EIF2B3: variants seen among roughly 807,000 people sequenced by gnomAD.
EIF2B3 encodes eukaryotic translation initiation factor 2B subunit gamma, also known as translation initiation factor eIF2B subunit gamma.
A neutral mutation model predicts 54.1 loss-of-function variants in EIF2B3; 20 were observed. That is an observed-to-expected ratio of 0.37 (90% CI 0.26 to 0.54). EIF2B3 has a LOEUF of 0.54. EIF2B3 is among the 20% of genes least tolerant of loss of function. The pLI is 0.86. For synonymous variants in EIF2B3, 153 were observed against 188.1 expected, an observed-to-expected ratio of 0.81 and a Z score of 1.52; for missense variants, 448 against 547.8, an observed-to-expected ratio of 0.82 and a Z score of 1.82.
At chr1:44,972,783 C>T (rs1644415828) in intron 3 of EIF2B3, among the ~76,000 whole-genome samples, 1 of 152,144 alleles carries the variant, frequency 6.6e-6, no homozygotes, top group South Asian at 2.1e-4. Context: ...TCCTCAACCT[C>T]AGCCTCCTGA....
chr1:44,975,511 G>C lies in EIF2B3; in HGVS notation c.294+2804C>G, dbSNP rs148180416. 2.6e-5 allele frequency among the ~76,000 whole-genome samples: 4 copies of C among 152,246 alleles called. No individual in the cohort carries two copies. In the East Asian group the frequency reaches 7.7e-4, roughly 29 times the overall value. ...TACCATAGGTAACTGTAACACAATG[G>C]TAAGTATTTGTGTATTTAAACATAT... is the stretch of plus-strand genomic sequence containing the variant. On this transcript the variant is annotated intron_variant, in intron 3 of 11. Coordinates refer to ENST00000360403, the MANE Select transcript of EIF2B3 (RefSeq NM_020365.5).
At chr1:44,930,898 G>C (rs1643891205) in intron 4 of EIF2B3, among the ~76,000 whole-genome samples, 1 of 152,186 alleles carries the variant, frequency 6.6e-6, no homozygotes, top group African/African-American at 2.4e-5. Context: ...ACCTCCCAAA[G>C]TGCTGGGATT....
At chr1:44,863,674 T>C (rs557906769) in intron 10 of EIF2B3, among the ~76,000 whole-genome samples, 1 of 152,350 alleles carries the variant, frequency 6.6e-6, no homozygotes, top group East Asian at 1.9e-4. Flanking sequence ...TCCCATTTCC[T>C]TCCTTCTTCC....
chr1:44,953,767 T>C (rs1310829833), intron 3 of EIF2B3, among the ~76,000 whole-genome samples: 2 of 152,178 alleles, frequency 1.3e-5, no homozygotes, highest in African/African-American at 4.8e-5. Flanking sequence ...CACTTCAGCT[T>C]GGGCACTGGA....
Position 44,978,425 on chromosome 1 carries a change from C to G in EIF2B3, c.184G>C (p.Ala62Pro), listed in dbSNP as rs758627166. The G allele has an allele frequency of 1.9e-6, 3 of 1,613,608 alleles. No homozygotes were observed. Among genetic ancestry groups the G allele is most frequent in the South Asian group, 1.1e-5 (1 of 91,070 alleles). ...TTCATCTTGAATTCTGCACATAGAG[C>G]CTTTTGAACATCCCTGGTTGTAACC... ...IVVTTRDVQK[A>P]LCAEFKMKMK... Residue 62 changes from alanine to proline, a missense_variant, in exon 3 of 12, where the codon GCT becomes CCT. Around this residue, in one of 3 missense-constraint regions of EIF2B3, gnomAD observed 95 missense variants for 115.7 expected, o/e 0.82. Transcript: ENST00000360403.
At chr1:44,986,049 A>G (rs911873132) in intron 1 of EIF2B3, among the ~76,000 whole-genome samples, 1 of 152,220 alleles carries the variant, frequency 6.6e-6, no homozygotes, top group East Asian at 1.9e-4. Flanking sequence ...GCACAGTGCT[A>G]AAGGCGTCTG....
In EIF2B3 at chr1:44,874,689, A is replaced by G; in HGVS notation, c.1191T>C (p.Thr397=). The change falls in exon 10 of 12, where the codon ACT becomes ACC. Residue 397 remains threonine, a synonymous_variant. Coordinates refer to ENST00000360403, the MANE Select transcript of EIF2B3 (RefSeq NM_020365.5). ...ITNCLLMNSV[T]VEEGSNIQGS... ...AGGGGGAAACATACCCTTCCTCCACAGTGACTGAGTTCATGAGAAGGCAAT... is the reference window on the plus strand; with the variant it reads ...AGGGGGAAACATACCCTTCCTCCACGGTGACTGAGTTCATGAGAAGGCAAT... 1 of 1,614,188 alleles carries G rather than the reference A, an allele frequency of 6.2e-7. No individual in the cohort carries two copies.
chr1:44,910,066 C>T (rs1643482872), intron 5 of EIF2B3, among the ~76,000 whole-genome samples: 1 of 152,082 alleles, frequency 6.6e-6, no homozygotes, highest in Admixed American at 6.6e-5. Flanking sequence ...CATTACTCTT[C>T]CAGTAAAAAA....
At chr1:44,971,556 A>G (rs981128736) in intron 3 of EIF2B3, among the ~76,000 whole-genome samples, 1 of 152,174 alleles carries the variant, frequency 6.6e-6, no homozygotes, top group African/African-American at 2.4e-5. Context: ...TCTCTAGCTT[A>G]CTGGGCCAAA....
chr1:44,936,638 G>C (rs772355577), intron 4 of EIF2B3, among the ~76,000 whole-genome samples: 5 of 152,004 alleles, frequency 3.3e-5, no homozygotes, highest in Admixed American at 1.3e-4. Context: ...CTAGACATTT[G>C]TCACTATGAG....
chr1:44,886,497 T>C (rs1433991217), intron 6 of EIF2B3, among the ~76,000 whole-genome samples: 2 of 152,278 alleles, frequency 1.3e-5, no homozygotes, highest in Admixed American at 6.5e-5. Context: ...AGTGGAATTA[T>C]GAATGTTAAA....
intron 6 of EIF2B3, among the ~76,000 whole-genome samples, chr1:44,895,334 A>G (rs1045104295): frequency 2.6e-5 from 4 of 152,208 alleles, no homozygotes; most frequent in Non-Finnish European, 4.4e-5. Flanking sequence ...ACTAACTGGT[A>G]GTGGCCAAAT....
At chr1:44,915,151 T>A (rs1249612877) in intron 5 of EIF2B3, among the ~76,000 whole-genome samples, 1 of 151,234 alleles carries the variant, frequency 6.6e-6, no homozygotes, top group Admixed American at 6.6e-5. Flanking sequence ...ATACAAAAAT[T>A]AGCTGAGTGG....
At chr1:44,864,382 T>G (rs938461471) in intron 10 of EIF2B3, among the ~76,000 whole-genome samples, 2 of 151,888 alleles carry the variant, frequency 1.3e-5, no homozygotes, top group African/African-American at 4.8e-5. Context: ...CTGGCCAACA[T>G]AGCAAACCCC....
intron 10 of EIF2B3, among the ~76,000 whole-genome samples, chr1:44,863,472 T>G (rs1654676555): frequency 6.6e-6 from 1 of 152,206 alleles, no homozygotes; most frequent in Admixed American, 6.6e-5. Flanking sequence ...TGGCCTCAAG[T>G]GATCCTTCTG....
intron 5 of EIF2B3, among the ~76,000 whole-genome samples, chr1:44,900,121 G>A (rs1643250820): frequency 6.6e-6 from 1 of 152,196 alleles, no homozygotes; most frequent in Admixed American, 6.5e-5. Flanking sequence ...TTATAAGTGG[G>A]AGCTAAACAC....
At chr1:44,941,089 G>C (rs1644016110) in intron 4 of EIF2B3, among the ~76,000 whole-genome samples, 1 of 152,042 alleles carries the variant, frequency 6.6e-6, no homozygotes. Flanking sequence ...GTTTCACCAT[G>C]TTGGCCAGGC....
chr1:44,913,388 G>A (rs1643554934), intron 5 of EIF2B3, among the ~76,000 whole-genome samples: 1 of 151,864 alleles, frequency 6.6e-6, no homozygotes, highest in Non-Finnish European at 1.5e-5. Flanking sequence ...TAAGAAACAA[G>A]CTGTGCTCAC....
chr1:44,891,320 C>T (rs916036583), intron 6 of EIF2B3, among the ~76,000 whole-genome samples: 27 of 152,204 alleles, frequency 1.8e-4, no homozygotes, highest in African/African-American at 6.3e-4. Flanking sequence ...CCAGGCTGGT[C>T]GTGAACTCCT....
Sources: gnomAD v4.1 joint callset for allele counts (sites outside exome capture counted in the v4.1 genomes callset) on GRCh38, gnomAD v4.1.1 for gene constraint, gnomAD v4.1.1 regional missense constraint, MANE v1.5 for transcripts, NCBI Gene and HGNC (gene_info 2026-07-23, HGNC 2026-07-21) for gene names.